The following SYNE2 variants were observed in gnomAD, a reference collection of about 807,000 sequenced individuals.
SYNE2 encodes the protein nesprin-2.
In SYNE2, 431 loss-of-function variants were observed where a neutral mutation model predicts 856.3. That is an observed-to-expected ratio of 0.50 (90% CI 0.47 to 0.55). The LOEUF (loss-of-function observed/expected upper bound fraction) is 0.55. Among genes scored for constraint, SYNE2 ranks in the 20% least tolerant of loss-of-function variants. The pLI is 0.00. For synonymous variants in SYNE2, 2,923 were observed against 2,872.3 expected (o/e 1.02, Z -0.56); for missense variants, 8,129 against 8,023.2 (o/e 1.01, Z -0.50).
rs374476399 is a variant in SYNE2 at position 64,089,350 on chromosome 14, G to A, written c.11671-224G>A. On this transcript the variant is annotated intron_variant, in intron 58 of 115. Transcript: ENST00000555002. ...CATTGCACTCCAGCCTGGGCAACAAGAGCGAAACTCCGTCTCAGGAAAAAA... is the reference window on the plus strand; with the variant it reads ...CATTGCACTCCAGCCTGGGCAACAAAAGCGAAACTCCGTCTCAGGAAAAAA... Among the ~76,000 whole-genome samples the A allele has an allele frequency of 1.6e-4, 16 of 101,784 alleles. No individual in the cohort carries two copies. In the East Asian group the frequency reaches 2.0e-3, roughly 13 times the overall value. The allele number at this position is 101,784 out of a possible 152,430, so 66.8% of individuals were successfully genotyped here.
chr14:63,998,357 A>G, intron 26 of SYNE2, 29 bp downstream of exon 26: 1 of 1,452,156 alleles, frequency 6.9e-7, no homozygotes, highest in Non-Finnish European at 9.7e-7. Context: ...CAACTGGAAA[A>G]TCCACCAGAA....
rs1014130356 is a variant in SYNE2, at chr14:64,113,128, C to T, written c.12610-213C>T. The T allele has an allele frequency of 5.1e-6, 5 of 985,250 alleles. No individual in the cohort carries two copies. The African/African-American group carries it at 8.7e-5, about 17-fold the overall frequency. 61.0% of individuals were successfully genotyped at this position (985,250 alleles called of 1,614,324 possible). A position where few individuals can be genotyped will look rare whatever the true frequency, so the allele number is the denominator to read the frequency against. On this transcript the variant is annotated intron_variant, in intron 65 of 115. Coordinates refer to ENST00000555002, the MANE Select transcript of SYNE2 (RefSeq NM_182914.3). ...GTCCTCTGTGCCCGGGAATACTGTA[C>T]CTGCTTACTCGCAGATCGGCTGCTT...
At chr14:63,960,702 C>A (rs1198371732) in intron 8 of SYNE2, 1 of 754,656 alleles carries the variant, frequency 1.3e-6, no homozygotes, top group South Asian at 1.4e-5. Flanking sequence ...TGCATTCACC[C>A]TTTTGTGATT....
At chr14:64,042,299 T>C (rs1467737180) in intron 45 of SYNE2, among the ~76,000 whole-genome samples, 2 of 152,216 alleles carry the variant, frequency 1.3e-5, no homozygotes, top group African/African-American at 4.8e-5. Context: ...CTAACATATG[T>C]AGTGAAAGTA....
chr14:63,772,407 C>A (rs1886952341), intron 1 of SYNE2, among the ~76,000 whole-genome samples: 1 of 151,524 alleles, frequency 6.6e-6, no homozygotes, highest in Admixed American at 6.6e-5. Context: ...CTTCTTTTCT[C>A]CATCAAGCTA....
intron 80 of SYNE2, among the ~76,000 whole-genome samples, chr14:64,140,298 C>G (rs1053605569): frequency 6.6e-6 from 1 of 152,090 alleles, no homozygotes; most frequent in Non-Finnish European, 1.5e-5. Context: ...GAATTTAAAA[C>G]TTGCGCCAGG....
chr14:63,875,787 G>GA (rs752794795), intron 1 of SYNE2, among the ~76,000 whole-genome samples: 2 of 152,100 alleles, frequency 1.3e-5, no homozygotes, highest in African/African-American at 4.8e-5. Context: ...CTTTTGGCAC[G>GA]AATCTTAAGA....
chr14:64,127,984 A>G (rs556660857), intron 73 of SYNE2, among the ~76,000 whole-genome samples: 2 of 152,232 alleles, frequency 1.3e-5, no homozygotes, highest in Non-Finnish European at 2.9e-5. Flanking sequence ...GTATTTATCC[A>G]TCATGACATG....
chr14:64,077,193 G>C (rs941104501), intron 54 of SYNE2, among the ~76,000 whole-genome samples: 2 of 152,050 alleles, frequency 1.3e-5, no homozygotes, highest in South Asian at 2.1e-4. Flanking sequence ...CAAGGATCCC[G>C]GGGGACAGAC....
intron 1 of SYNE2, among the ~76,000 whole-genome samples, chr14:63,775,241 C>G (rs1329339728): frequency 6.6e-6 from 1 of 151,192 alleles, no homozygotes; most frequent in African/African-American, 2.4e-5. Flanking sequence ...TCCCAAAGTG[C>G]TGGGTTTACA....
chr14:63,847,889 T>G (rs1890283614), intron 1 of SYNE2, among the ~76,000 whole-genome samples: 1 of 151,214 alleles, frequency 6.6e-6, no homozygotes, highest in Admixed American at 6.6e-5. Flanking sequence ...CCCCGCCTAT[T>G]TTTTTGTTTT....
At chr14:64,119,669 A>G in intron 67 of SYNE2, 60 bp downstream of exon 67, 1 of 1,574,690 alleles carries the variant, frequency 6.4e-7, no homozygotes, top group African/African-American at 1.4e-5. Context: ...GACCTGCCAG[A>G]AGAGAACTCT....
chr14:63,787,114 T>C (rs1345389549), intron 1 of SYNE2, among the ~76,000 whole-genome samples: 6 of 152,160 alleles, frequency 3.9e-5, no homozygotes, highest in Admixed American at 2.0e-4. Context: ...CATACATGCA[T>C]ACAATATATG....
chr14:63,871,372 A>AT (rs1380509810), intron 1 of SYNE2, among the ~76,000 whole-genome samples: 1 of 151,692 alleles, frequency 6.6e-6, no homozygotes, highest in Non-Finnish European at 1.5e-5. Context: ...TGCCCGGCTA[A>AT]TTTTTTTGTA....
At chr14:64,188,783 A>C in intron 98 of SYNE2, 75 bp downstream of exon 98, 1 of 1,472,772 alleles carries the variant, frequency 6.8e-7, no homozygotes, top group Non-Finnish European at 9.5e-7. Flanking sequence ...CTAAGCCCAA[A>C]CAGGGGCAAT....
chr14:64,056,810 A>T (rs949094843), intron 49 of SYNE2, among the ~76,000 whole-genome samples: 2 of 152,022 alleles, frequency 1.3e-5, no homozygotes, highest in African/African-American at 4.8e-5. Context: ...AGCTGGGATT[A>T]CAGGCATATG....
intron 1 of SYNE2, among the ~76,000 whole-genome samples, chr14:63,794,230 T>C (rs1463979450): frequency 6.6e-6 from 1 of 152,228 alleles, no homozygotes; most frequent in Non-Finnish European, 1.5e-5. Flanking sequence ...TTTATTTTAT[T>C]TTATTTTTGA....
chr14:64,059,118 C>A (rs1277432152), intron 49 of SYNE2, among the ~76,000 whole-genome samples: 1 of 152,118 alleles, frequency 6.6e-6, no homozygotes, highest in Admixed American at 6.6e-5. Flanking sequence ...ATTTTGAATT[C>A]TCTGTCTGAA....
rs199566869 is a variant in SYNE2, at chr14:64,214,225, A to G, written c.19088A>G (p.Asn6363Ser). The G allele has an allele frequency of 1.2e-4, 190 of 1,614,208 alleles. No homozygotes were observed. Among genetic ancestry groups the G allele is most frequent in the Non-Finnish European group, 1.6e-4 (186 of 1,180,036 alleles). ...GLEDEKEASE[N>S]ETDMEDPREI... ...GAAGATGAAAAGGAGGCCTCTGAGAATGAAACAGACATGGAAGACCCCAGA... is the reference window on the plus strand; with the variant it reads ...GAAGATGAAAAGGAGGCCTCTGAGAGTGAAACAGACATGGAAGACCCCAGA... Residue 6363 changes from asparagine (N) to serine (S), a missense_variant, in exon 106 of 116, where the codon AAT becomes AGT. Transcript: ENST00000555002.
Sources: gnomAD v4.1 joint callset for allele counts (sites outside exome capture counted in the v4.1 genomes callset) on GRCh38, gnomAD v4.1.1 for gene constraint, MANE v1.5 for transcripts, NCBI Gene and HGNC (gene_info 2026-07-23, HGNC 2026-07-21) for gene names.